Variants in ARHGAP42 observed in about 807,000 individuals in gnomAD.
ARHGAP42 encodes rho GTPase-activating protein 42.
ARHGAP42 carries 63 observed loss-of-function variants against 125.0 expected under a neutral mutation model. That is an observed-to-expected ratio of 0.50 (90% confidence interval 0.41 to 0.62). The LOEUF (loss-of-function observed/expected upper bound fraction) is 0.62. Ranked by LOEUF, ARHGAP42 falls within the 20% of genes least tolerant of loss-of-function variation. ARHGAP42 has a pLI of 0.00. For missense variants in ARHGAP42, 766 were observed against 1,024.2 expected (o/e 0.75, Z 3.44); for synonymous variants, 339 against 351.0 (o/e 0.97, Z 0.38).
chr11:100,763,734 C>T (rs1862764178), intron 1 of ARHGAP42, among the ~76,000 whole-genome samples: 1 of 151,946 alleles, frequency 6.6e-6, no homozygotes, highest in Admixed American at 6.5e-5. Context: ...AGGTGATCCA[C>T]CTGCCTCAGC....
intron 4 of ARHGAP42, among the ~76,000 whole-genome samples, chr11:100,895,899 G>A (rs1479901593): frequency 6.6e-6 from 1 of 152,000 alleles, no homozygotes; most frequent in Non-Finnish European, 1.5e-5. Flanking sequence ...GTGTAGGATT[G>A]TTACATAGGT....
intron 8 of ARHGAP42, among the ~76,000 whole-genome samples, chr11:100,939,220 A>T (rs1342278103): frequency 3.3e-5 from 5 of 152,100 alleles, no homozygotes; most frequent in Admixed American, 1.3e-4. Context: ...CTGACCTGTG[A>T]CTTGTGCCAA....
rs1555018919 is a variant in ARHGAP42 at position 100,893,158 on chromosome 11, G to GTGTGTGTGTGT, written c.385-20294_385-20293insTGTGTGTGTGT. ...ATCCTTACTCAGAGAAACATTTAGG[G>GTGTGTGTGTGT]GTGTGTGTGTGTGTGTGTGTGTGTG... On this transcript the variant is annotated intron_variant, in intron 4 of 23. Transcript: ENST00000298815. Among the ~76,000 whole-genome samples, 83 of 147,090 alleles carry GTGTGTGTGTGT rather than the reference G, an allele frequency of 5.6e-4. 1 individual carries two copies. The East Asian group carries it at 0.016, about 28-fold the overall frequency.
intron 16 of ARHGAP42, among the ~76,000 whole-genome samples, chr11:100,963,119 T>C (rs1857999125): frequency 6.6e-6 from 1 of 152,220 alleles, no homozygotes; most frequent in African/African-American, 2.4e-5. Flanking sequence ...TACAGACGAT[T>C]ATGTCCCTGC....
intron 4 of ARHGAP42, among the ~76,000 whole-genome samples, chr11:100,884,010 T>C (rs890590127): frequency 7.9e-5 from 12 of 152,224 alleles, no homozygotes; most frequent in Non-Finnish European, 1.6e-4. Flanking sequence ...TCCTTAAAAT[T>C]CATTTTATGA....
In ARHGAP42 at chr11:100,782,449, A is replaced by C. The variant is rs138099923; in HGVS notation, c.250+12011A>C. ...AGCCTTGGAAATTGTATCTGTTAGA[A>C]GTGAGTTAGGAGGCAGAATATAGAC... On this transcript the variant is annotated intron_variant, in intron 2 of 23. Coordinates refer to ENST00000298815, the MANE Select transcript of ARHGAP42 (RefSeq NM_152432.4). 2.6e-3 allele frequency among the ~76,000 whole-genome samples: 390 copies of C among 152,336 alleles called. 2 individuals carry two copies. The highest frequency in any genetic ancestry group is 8.8e-3 in the African/African-American group (368 of 41,588).
intron 1 of ARHGAP42, among the ~76,000 whole-genome samples, chr11:100,703,118 C>T (rs758172539): frequency 6.6e-6 from 1 of 152,046 alleles, no homozygotes; most frequent in Non-Finnish European, 1.5e-5. Flanking sequence ...TATGAATATA[C>T]TGTTTCGTAT....
chr11:100,923,180 C>T (rs1867327317), intron 6 of ARHGAP42, among the ~76,000 whole-genome samples: 1 of 152,148 alleles, frequency 6.6e-6, no homozygotes, highest in Non-Finnish European at 1.5e-5. Flanking sequence ...CTAAGTCCCA[C>T]CCCAGAATCC....
intron 4 of ARHGAP42, among the ~76,000 whole-genome samples, chr11:100,901,464 T>C (rs1866545053): frequency 1.3e-5 from 2 of 152,254 alleles, no homozygotes; most frequent in Admixed American, 1.3e-4. Flanking sequence ...ATAGGGACAC[T>C]GAAGTCTGCA....
chr11:100,783,708 G>T (rs890652545), intron 2 of ARHGAP42, among the ~76,000 whole-genome samples: 1 of 152,204 alleles, frequency 6.6e-6, no homozygotes, highest in African/African-American at 2.4e-5. Context: ...TGATTTTCAT[G>T]AGCCAGTGCC....
intron 3 of ARHGAP42, among the ~76,000 whole-genome samples, chr11:100,797,452 C>T (rs1360919926): frequency 1.3e-5 from 2 of 152,158 alleles, no homozygotes; most frequent in Non-Finnish European, 2.9e-5. Flanking sequence ...TGCTCATTTA[C>T]CATTCCAGAA....
chr11:100,713,926 G>A (rs987407802), intron 1 of ARHGAP42, among the ~76,000 whole-genome samples: 1 of 152,040 alleles, frequency 6.6e-6, no homozygotes, highest in Non-Finnish European at 1.5e-5. Context: ...GTATTTATCA[G>A]TCATCCTTTC....
chr11:100,947,897 A>T lies in ARHGAP42; in HGVS notation c.1044-560A>T, dbSNP rs146359934. ...TGTTTCTTTCTTGAAGTATATCCTC[A>T]AGTAACTATTTCAGAATGACTGCAT... is the stretch of plus-strand genomic sequence containing the variant. On this transcript the variant is annotated intron_variant, in intron 10 of 23. Coordinates refer to ENST00000298815, the MANE Select transcript of ARHGAP42 (RefSeq NM_152432.4). Among the ~76,000 whole-genome samples the T allele has an allele frequency of 1.9e-3, 286 of 152,038 alleles. 7 individuals are homozygous for T. In the East Asian group the frequency reaches 0.038, roughly 20 times the overall value.
rs879298050 is a variant in ARHGAP42 at position 100,987,843 on chromosome 11, A to AAATAAATAAATT, written c.2536+255_2536+256insAATAAATTAATA. ...TAAATAAATAAATAAATAAATAAAT[A>AAATAAATAAATT]AATAGGCCAGGCGCGGTGACTCATG... On this transcript the variant is annotated intron_variant, in intron 23 of 23. Transcript: ENST00000298815. Among the ~76,000 whole-genome samples the AAATAAATAAATT allele has an allele frequency of 3.4e-3, 491 of 146,532 alleles. 1 individual carries two copies. The highest frequency in any genetic ancestry group is 6.9e-3 in the Middle Eastern group (2 of 288).
intron 2 of ARHGAP42, among the ~76,000 whole-genome samples, chr11:100,786,108 G>A (rs1591180304): frequency 1.3e-5 from 2 of 152,246 alleles, no homozygotes; most frequent in South Asian, 4.1e-4. Context: ...CTTGGTAGAG[G>A]AGCTCCCAAA....
intron 4 of ARHGAP42, among the ~76,000 whole-genome samples, chr11:100,893,171 G>GTA (rs1283143250): frequency 6.6e-6 from 1 of 151,702 alleles, no homozygotes; most frequent in African/African-American, 2.4e-5. Flanking sequence ...GTGTGTGTGT[G>GTA]TGTGTGTGTG....
In ARHGAP42 at chr11:100,941,694, G is replaced by A. The variant is rs74939980; in HGVS notation, c.833-90G>A. ...CTAGCATGGTATAGGAGAGATAATC[G>A]GTTGTATATCATAGCACTGGAGAAT... On this transcript the variant is annotated intron_variant, in intron 8 of 23. Transcript: ENST00000298815. The A allele has an allele frequency of 5.7e-3, 3,958 of 690,864 alleles. 102 individuals are homozygous for A. The East Asian group carries it at 0.064, about 11-fold the overall frequency. 42.8% of individuals were successfully genotyped at this position (690,864 alleles called of 1,614,324 possible). A position where few individuals can be genotyped will look rare whatever the true frequency, so the allele number is the denominator to read the frequency against.
chr11:100,776,704 CA>C (rs1178037493), intron 2 of ARHGAP42, among the ~76,000 whole-genome samples: 2 of 152,154 alleles, frequency 1.3e-5, no homozygotes, highest in Non-Finnish European at 2.9e-5. Flanking sequence ...CGGCCGGGCA[CA>C]GTGGCTCACT....
chr11:100,847,329 T>C (rs1865094634), intron 3 of ARHGAP42, among the ~76,000 whole-genome samples: 1 of 152,200 alleles, frequency 6.6e-6, no homozygotes, highest in Non-Finnish European at 1.5e-5. Flanking sequence ...AGGCTCATTC[T>C]CAAGGTGTGC....
Sources: allele counts gnomAD v4.1 joint callset (sites outside exome capture counted in the v4.1 genomes callset), GRCh38; gene constraint gnomAD v4.1.1; transcripts MANE v1.5; gene names NCBI Gene and HGNC (gene_info 2026-07-23, HGNC 2026-07-21).